Variants in RGS22 observed in about 807,000 individuals in gnomAD.
RGS22 encodes regulator of G-protein signaling 22.
Under a neutral mutation model 172.9 loss-of-function variants are expected in RGS22, and 148 were observed. The observed-to-expected ratio is 0.86, with a 90% confidence interval of 0.75 to 0.98. RGS22 has a LOEUF of 0.98. RGS22 is among the 50% of genes least tolerant of loss of function. The pLI is 0.00. For synonymous variants in RGS22, 458 were observed against 480.2 expected (o/e 0.95, Z 0.60); for missense variants, 1,347 against 1,440.8 (o/e 0.93, Z 1.05).
At chr8:99,974,623 C>A (rs1440594796) in intron 23 of RGS22, among the ~76,000 whole-genome samples, 1 of 150,778 alleles carries the variant, frequency 6.6e-6, no homozygotes, top group African/African-American at 2.4e-5. Flanking sequence ...CATGGTGAAA[C>A]CCCATCTCTA....
intron 9 of RGS22, 42 bp downstream of exon 9, chr8:100,062,549 G>A (rs780357409): frequency 3.4e-5 from 46 of 1,353,230 alleles, no homozygotes; most frequent in Admixed American, 8.1e-5. Context: ...CATAACTGGC[G>A]TAAGGAAAGT....
intron 9 of RGS22, chr8:100,054,339 A>G (rs1356217490): frequency 1.3e-5 from 2 of 154,156 alleles, no homozygotes; most frequent in Admixed American, 1.3e-4. Flanking sequence ...CATACCTGTA[A>G]TCCCAGTATT....
chr8:100,047,864 T>C (rs1820887786), intron 10 of RGS22, among the ~76,000 whole-genome samples: 1 of 152,070 alleles, frequency 6.6e-6, no homozygotes, highest in South Asian at 2.1e-4. Flanking sequence ...GAAGACTCTT[T>C]CCTGGAGAAA....
At chr8:100,012,398 T>C (rs944815151) in intron 14 of RGS22, among the ~76,000 whole-genome samples, 2 of 152,110 alleles carry the variant, frequency 1.3e-5, no homozygotes, top group Admixed American at 1.3e-4. Flanking sequence ...CAACAGTGAT[T>C]TGAAAGGGAA....
chr8:100,022,048 AC>A (rs1330666885), intron 14 of RGS22, among the ~76,000 whole-genome samples: 1 of 152,148 alleles, frequency 6.6e-6, no homozygotes, highest in Non-Finnish European at 1.5e-5. Context: ...CTCATATCCC[AC>A]TAGGAGCTCA....
At chr8:99,975,374 T>C (rs1414929439) in intron 23 of RGS22, among the ~76,000 whole-genome samples, 2 of 152,156 alleles carry the variant, frequency 1.3e-5, no homozygotes, top group Non-Finnish European at 2.9e-5. Context: ...CTGGTGATAT[T>C]ATCAACAACA....
At chr8:99,983,453 C>T (rs1460417761) in intron 21 of RGS22, among the ~76,000 whole-genome samples, 1 of 152,092 alleles carries the variant, frequency 6.6e-6, no homozygotes, top group Non-Finnish European at 1.5e-5. Flanking sequence ...TCTCTGCAGC[C>T]TCACCAAGCA....
At chr8:99,968,072 G>T (rs1810941435) in intron 23 of RGS22, among the ~76,000 whole-genome samples, 1 of 152,184 alleles carries the variant, frequency 6.6e-6, no homozygotes, top group South Asian at 2.1e-4. Context: ...GCCTCTGCCG[G>T]TGATAACCCA....
At chr8:99,982,837 G>A (rs1313253518) in intron 21 of RGS22, among the ~76,000 whole-genome samples, 2 of 152,076 alleles carry the variant, frequency 1.3e-5, no homozygotes, top group East Asian at 1.9e-4. Flanking sequence ...TTTTAGACAC[G>A]GGGGTACATG....
intron 11 of RGS22, among the ~76,000 whole-genome samples, chr8:100,043,203 A>C (rs947346720): frequency 5.9e-5 from 9 of 152,182 alleles, no homozygotes; most frequent in African/African-American, 2.2e-4. Flanking sequence ...CATTCTTGGT[A>C]TGAACAACAA....
chr8:100,080,091 A>C (rs754096001), intron 4 of RGS22, 43 bp downstream of exon 4: 9 of 1,353,826 alleles, frequency 6.6e-6, no homozygotes, highest in Non-Finnish European at 9.3e-6. Flanking sequence ...ATTTCACCAA[A>C]TGCTTTATCT....
At chr8:99,964,963 A>G (rs1810574981) in intron 24 of RGS22, among the ~76,000 whole-genome samples, 1 of 152,194 alleles carries the variant, frequency 6.6e-6, no homozygotes. Flanking sequence ...AAAACTAAAA[A>G]TTTGAGACTA....
intron 21 of RGS22, among the ~76,000 whole-genome samples, chr8:99,986,112 C>G (rs1813068515): frequency 6.6e-6 from 1 of 151,936 alleles, no homozygotes; most frequent in Non-Finnish European, 1.5e-5. Context: ...TGCCTGTACT[C>G]CCAGCTACTT....
chr8:100,066,143 T>A (rs369727266), intron 7 of RGS22, 24 bp downstream of exon 7: 20 of 1,605,040 alleles, frequency 1.2e-5, no homozygotes, highest in Non-Finnish European at 1.6e-5. Context: ...AGTTCTGAAG[T>A]CATTCTTGTC....
chr8:100,070,039 AAAAAAAAAAC>A (rs1810842609), intron 6 of RGS22, among the ~76,000 whole-genome samples: 2 of 150,044 alleles, frequency 1.3e-5, no homozygotes, highest in South Asian at 2.1e-4. Context: ...AAAAAAAAAA[AAAAAAAAAAC>A]AAAACAAAAC....
intron 14 of RGS22, among the ~76,000 whole-genome samples, chr8:100,022,998 G>T (rs915707964): frequency 6.6e-6 from 1 of 151,988 alleles, no homozygotes; most frequent in African/African-American, 2.4e-5. Flanking sequence ...CCAAAATGCT[G>T]AGATAAATAA....
intron 14 of RGS22, among the ~76,000 whole-genome samples, chr8:100,016,334 GA>G (rs1452504651): frequency 6.6e-6 from 1 of 151,438 alleles, no homozygotes; most frequent in Non-Finnish European, 1.5e-5. Context: ...TGAACTAAAC[GA>G]TTGCACCTAA....
At chr8:99,981,676 G>C (rs1393544319) in intron 22 of RGS22, among the ~76,000 whole-genome samples, 1 of 150,518 alleles carries the variant, frequency 6.6e-6, no homozygotes, top group East Asian at 1.9e-4. Flanking sequence ...TAACGTACAA[G>C]CTTTAAAAGG....
intron 15 of RGS22, among the ~76,000 whole-genome samples, chr8:100,007,787 GA>G (rs368530111): frequency 0.038 from 5,377 of 139,922 alleles, 340 homozygotes; most frequent in African/African-American, 0.13. Context: ...AAAAAAAAAA[GA>G]AAAAAAAAAT....
Sources: allele counts gnomAD v4.1 joint callset (sites outside exome capture counted in the v4.1 genomes callset), GRCh38; gene constraint gnomAD v4.1.1; transcripts MANE v1.5; gene names NCBI Gene and HGNC (gene_info 2026-07-23, HGNC 2026-07-21).